The following PRH1 variants were observed in gnomAD, a reference collection of about 807,000 sequenced individuals.
PRH1 encodes proline rich protein HaeIII subfamily 1, also known as salivary acidic proline-rich phosphoprotein 1/2.
A neutral mutation model predicts 7.9 loss-of-function variants in PRH1; 7 were observed. The ratio of observed to expected loss-of-function variants is 0.89; its 90% CI spans 0.50 to 1.67. The LOEUF (loss-of-function observed/expected upper bound fraction) is 1.67. Among genes scored for constraint, PRH1 ranks in the 40% most tolerant of loss-of-function variants. PRH1 has a pLI of 0.00. For missense variants in PRH1, 109 were observed against 223.6 expected (o/e 0.49, Z 3.27); for synonymous variants, 45 against 80.8 (o/e 0.56, Z 2.38).
rs1355770649 is a variant in PRH1, at chr12:10,955,506, A to C, written c.-59+18149T>G. 3.9e-5 allele frequency among the ~76,000 whole-genome samples: 6 copies of C among 152,050 alleles called. No homozygotes were observed. In the East Asian group the frequency reaches 1.2e-3, roughly 29 times the overall value. ...AGAATGATCTCAAATTAATAACATA[A>C]CTTCACAAGAGAAACTAAACAAACA... On this transcript the variant is annotated intron_variant, in intron 2 of 3. Coordinates refer to the PRH1 transcript ENST00000539853.
intron 2 of PRH1, among the ~76,000 whole-genome samples, chr12:10,910,671 T>C (rs951744490): frequency 3.9e-5 from 6 of 151,946 alleles, no homozygotes; most frequent in Admixed American, 3.9e-4. Context: ...TTTCAAAAAC[T>C]ACCGAAAAAA....
In PRH1 at chr12:10,883,804, C is replaced by T. The variant is rs147169232; in HGVS notation, c.64+350G>A. Among the ~76,000 whole-genome samples the T allele has an allele frequency of 4.5e-3, 684 of 152,284 alleles. 6 individuals carry two copies. Among genetic ancestry groups the T allele is most frequent in the Middle Eastern group, 0.014 (4 of 294 alleles). On this transcript the variant is annotated intron_variant, in intron 1 of 3. Transcript: ENST00000543626. ...GCTCATCCACTGTACAGCAAGGCCACCATCATCCCTGTCTACTGGGATCAG... is the reference window on the plus strand; with the variant it reads ...GCTCATCCACTGTACAGCAAGGCCATCATCATCCCTGTCTACTGGGATCAG...
intron 2 of PRH1, among the ~76,000 whole-genome samples, chr12:10,956,643 T>A (rs572006498): frequency 1.3e-5 from 2 of 152,332 alleles, no homozygotes; most frequent in African/African-American, 2.4e-5. Flanking sequence ...TGTTCGCAGA[T>A]AATGTGACTT....
chr12:11,056,376 T>C (rs1943362671), intron 1 of PRH1, among the ~76,000 whole-genome samples: 1 of 152,224 alleles, frequency 6.6e-6, no homozygotes, highest in Non-Finnish European at 1.5e-5. Context: ...TCTCCAATCT[T>C]GGATTTTTAT....
At chr12:10,996,079 G>A (rs542692465) in intron 1 of PRH1, among the ~76,000 whole-genome samples, 1 of 151,794 alleles carries the variant, frequency 6.6e-6, no homozygotes, top group Non-Finnish European at 1.5e-5. Context: ...CACTTTGGGA[G>A]GCTGAGGCAG....
chr12:10,904,617 G>A (rs1156747931), intron 2 of PRH1, among the ~76,000 whole-genome samples: 2 of 152,038 alleles, frequency 1.3e-5, no homozygotes, highest in Non-Finnish European at 2.9e-5. Context: ...CATTGGCCTT[G>A]GGAAAGAATT....
chr12:10,893,339 T>C (rs946574837), intron 2 of PRH1, among the ~76,000 whole-genome samples: 2 of 152,248 alleles, frequency 1.3e-5, no homozygotes, highest in Non-Finnish European at 2.9e-5. Context: ...TACATTATGA[T>C]GTAAACTCAT....
intron 1 of PRH1, among the ~76,000 whole-genome samples, chr12:11,031,930 T>A (rs1309316316): frequency 1.3e-5 from 2 of 152,232 alleles, no homozygotes; most frequent in African/African-American, 4.8e-5. Context: ...TGCACCTGAT[T>A]TGTGAATGTG....
intron 2 of PRH1, among the ~76,000 whole-genome samples, chr12:10,931,371 C>G (rs1397413667): frequency 2.6e-5 from 4 of 152,174 alleles, no homozygotes; most frequent in East Asian, 3.9e-4. Context: ...TTCCTTTCCT[C>G]AAACTCAAAG....
At chr12:11,119,973 G>C (rs1215509714), downstream of PRH1, among the ~76,000 whole-genome samples, 1 of 152,186 alleles carries the variant, frequency 6.6e-6, no homozygotes, top group East Asian at 1.9e-4. Flanking sequence ...GCCAATTCAA[G>C]CAAGTGTAAA....
chr12:10,939,289 G>T, intron 2 of PRH1: 1 of 774,148 alleles, frequency 1.3e-6, no homozygotes, highest in Non-Finnish European at 2.0e-6. Context: ...ATGTATATCT[G>T]ATTCTTGAAA....
chr12:11,118,153 T>C (rs1945784000), downstream of PRH1, among the ~76,000 whole-genome samples: 1 of 152,100 alleles, frequency 6.6e-6, no homozygotes, highest in Non-Finnish European at 1.5e-5. Flanking sequence ...GAGAAAATAT[T>C]TGCAAACTAC....
intron 1 of PRH1, among the ~76,000 whole-genome samples, chr12:10,981,263 T>G (rs1011600116): frequency 2.0e-5 from 3 of 152,104 alleles, no homozygotes; most frequent in African/African-American, 7.2e-5. Context: ...ACGTCCATAT[T>G]ATCTGAGACT....
intron 1 of PRH1, among the ~76,000 whole-genome samples, chr12:11,165,639 A>G (rs1253612439): frequency 2.0e-5 from 3 of 152,232 alleles, no homozygotes; most frequent in African/African-American, 4.8e-5. Context: ...GTATGTGTGT[A>G]TACATATTTA....
chr12:10,909,217 C>T (rs1949858036), intron 2 of PRH1: 2 of 1,613,638 alleles, frequency 1.2e-6, no homozygotes, highest in Non-Finnish European at 1.7e-6. Context: ...TTGATCAGTA[C>T]TATAAATCCA....
chr12:11,031,385 G>A (rs1173764875), intron 1 of PRH1: 1 of 1,585,708 alleles, frequency 6.3e-7, no homozygotes, highest in Admixed American at 1.8e-5. Context: ...TGTGTCCGGA[G>A]TTGGTTCCTG....
chr12:11,140,177 T>G (rs1415493193), intron 1 of PRH1, among the ~76,000 whole-genome samples: 1 of 152,092 alleles, frequency 6.6e-6, no homozygotes, highest in Non-Finnish European at 1.5e-5. Context: ...AGATATTTCC[T>G]TTAATCAATC....
At position 11,095,873 on chromosome 12, in the gene PRH1, C is replaced by G. The variant is rs1945059945; in HGVS notation, n.124-48685G>C. Among the ~76,000 whole-genome samples the G allele has an allele frequency of 3.5e-5, 4 of 115,048 alleles. 2 individuals carry two copies. Among genetic ancestry groups the G allele is most frequent in the East Asian group, 4.2e-4 (2 of 4,748 alleles). 75.5% of individuals were successfully genotyped at this position (115,048 alleles called of 152,430 possible). The stretch of plus-strand genomic sequence containing the variant: ...AGATATATTTTAAATTTCTGTTTAT[C>G]AAGATCTATTCTACTTTTGAAATAC... On this transcript the variant is annotated intron_variant and non_coding_transcript_variant, in intron 1 of 4. Coordinates refer to the PRH1 transcript ENST00000541977.
intron 1 of PRH1, among the ~76,000 whole-genome samples, chr12:11,017,652 A>C (rs11054167): frequency 0.015 from 2,282 of 151,660 alleles, 33 homozygotes; most frequent in Non-Finnish European, 0.025. Flanking sequence ...GCCTGGCTAA[A>C]TTTTTTTGTA....
Sources: gnomAD v4.1 joint callset for allele counts (sites outside exome capture counted in the v4.1 genomes callset) on GRCh38, gnomAD v4.1.1 for gene constraint, MANE v1.5 for transcripts, NCBI Gene and HGNC (gene_info 2026-07-23, HGNC 2026-07-21) for gene names.